IMMP2L: variants seen among roughly 807,000 people sequenced by gnomAD.
IMMP2L encodes mitochondrial inner membrane protease subunit 2.
Under a neutral mutation model 19.3 loss-of-function variants are expected in IMMP2L, and 18 were observed. The ratio of observed to expected loss-of-function variants is 0.93; its 90% CI spans 0.64 to 1.38. The LOEUF (loss-of-function observed/expected upper bound fraction) is 1.38. IMMP2L is among the 40% of genes most tolerant of loss of function. IMMP2L has a pLI of 0.00. For missense variants in IMMP2L, 233 were observed against 218.2 expected, an observed-to-expected ratio of 1.07 and a Z score of -0.43; for synonymous variants, 76 against 73.0, an observed-to-expected ratio of 1.04 and a Z score of -0.21.
chr7:110,738,616 A>T (rs1194135715), intron 5 of IMMP2L, among the ~76,000 whole-genome samples: 2 of 152,258 alleles, frequency 1.3e-5, no homozygotes, highest in Non-Finnish European at 2.9e-5. Flanking sequence ...TCCACAGAAG[A>T]AGAGAAGTCT....
intron 5 of IMMP2L, among the ~76,000 whole-genome samples, chr7:110,755,561 G>A (rs971467474): frequency 6.6e-6 from 1 of 152,072 alleles, no homozygotes; most frequent in South Asian, 2.1e-4. Context: ...CACTGTACAA[G>A]GCATAGGGAT....
At chr7:110,918,371 C>A (rs904687173) in intron 4 of IMMP2L, among the ~76,000 whole-genome samples, 2 of 151,760 alleles carry the variant, frequency 1.3e-5, no homozygotes, top group East Asian at 3.9e-4. Flanking sequence ...AAAACTTTAG[C>A]GTCTTTCACC....
chr7:111,187,092 A>T (rs925588113), intron 3 of IMMP2L, among the ~76,000 whole-genome samples: 5 of 152,150 alleles, frequency 3.3e-5, no homozygotes, highest in Non-Finnish European at 7.3e-5. Flanking sequence ...GTATAAATAA[A>T]ATCAAAGTAA....
intron 3 of IMMP2L, among the ~76,000 whole-genome samples, chr7:111,468,750 G>C (rs1840926514): frequency 6.6e-6 from 1 of 152,016 alleles, no homozygotes; most frequent in African/African-American, 2.4e-5. Flanking sequence ...AGTAAATGGA[G>C]AAAAGAAAAA....
At chr7:110,793,337 T>C (rs1800606191) in intron 5 of IMMP2L, among the ~76,000 whole-genome samples, 1 of 151,870 alleles carries the variant, frequency 6.6e-6, no homozygotes, top group Admixed American at 6.6e-5. Context: ...CGAGAATGGC[T>C]TGAATCTAGG....
At chr7:110,763,346 T>TA (rs1390871683) in intron 5 of IMMP2L, among the ~76,000 whole-genome samples, 3 of 152,166 alleles carry the variant, frequency 2.0e-5, no homozygotes, top group African/African-American at 7.2e-5. Flanking sequence ...TTCCGGCATA[T>TA]ACTGAATTTG....
chr7:111,120,738 T>A (rs991823407), intron 3 of IMMP2L, among the ~76,000 whole-genome samples: 1 of 152,160 alleles, frequency 6.6e-6, no homozygotes, highest in Non-Finnish European at 1.5e-5. Context: ...AGTCACTTTA[T>A]GCAAAGGAGA....
At chr7:111,266,069 A>T (rs989874611) in intron 3 of IMMP2L, among the ~76,000 whole-genome samples, 3 of 152,206 alleles carry the variant, frequency 2.0e-5, no homozygotes, top group Admixed American at 2.0e-4. Flanking sequence ...AAACATGTTT[A>T]AACATATATT....
chr7:111,367,312 A>G (rs1434224918), intron 3 of IMMP2L, among the ~76,000 whole-genome samples: 3 of 151,946 alleles, frequency 2.0e-5, no homozygotes, highest in African/African-American at 7.2e-5. Flanking sequence ...GAGCCCTCAC[A>G]ATGCAAGCAC....
At chr7:110,694,596 C>T (rs1032461736) in intron 5 of IMMP2L, among the ~76,000 whole-genome samples, 1 of 151,960 alleles carries the variant, frequency 6.6e-6, no homozygotes, top group Non-Finnish European at 1.5e-5. Context: ...TCTGAAGATG[C>T]AATTGACTGA....
intron 3 of IMMP2L, among the ~76,000 whole-genome samples, chr7:111,362,702 C>G (rs1584800496): frequency 6.6e-6 from 1 of 152,110 alleles, no homozygotes; most frequent in Admixed American, 6.6e-5. Context: ...GGATTTTTTA[C>G]CTTGAGTTTA....
chr7:111,008,640 C>T (rs1371272274), intron 3 of IMMP2L, among the ~76,000 whole-genome samples: 1 of 151,218 alleles, frequency 6.6e-6, no homozygotes, highest in African/African-American at 2.4e-5. Context: ...TCTTACCTGC[C>T]CCCTATTAAA....
chr7:110,865,168 C>A (rs917179198), intron 5 of IMMP2L, among the ~76,000 whole-genome samples: 2 of 151,944 alleles, frequency 1.3e-5, no homozygotes, highest in Non-Finnish European at 2.9e-5. Flanking sequence ...TCAGGAAGCG[C>A]ATACATTTGC....
chr7:110,688,352 A>G (rs554305987), intron 5 of IMMP2L, among the ~76,000 whole-genome samples: 1 of 152,242 alleles, frequency 6.6e-6, no homozygotes, highest in South Asian at 2.1e-4. Context: ...AAAAACAAAA[A>G]TGGTATGACT....
chr7:110,825,307 G>T (rs1309540658), intron 5 of IMMP2L, among the ~76,000 whole-genome samples: 2 of 152,084 alleles, frequency 1.3e-5, no homozygotes, highest in Admixed American at 1.3e-4. Flanking sequence ...AGCTACCAAT[G>T]ACTTTCTTCA....
intron 5 of IMMP2L, among the ~76,000 whole-genome samples, chr7:110,739,702 G>A (rs964257235): frequency 3.9e-5 from 6 of 152,000 alleles, no homozygotes; most frequent in Admixed American, 1.3e-4. Flanking sequence ...TATTCCCTAC[G>A]AAAAATGAAC....
chr7:110,714,522 T>A (rs992898179), intron 5 of IMMP2L, among the ~76,000 whole-genome samples: 9 of 152,160 alleles, frequency 5.9e-5, no homozygotes, highest in Non-Finnish European at 1.2e-4. Flanking sequence ...TTCAGTACAA[T>A]TGGTACCAGG....
chr7:110,862,350 T>A (rs1807531363), intron 5 of IMMP2L, among the ~76,000 whole-genome samples: 2 of 151,904 alleles, frequency 1.3e-5, no homozygotes, highest in South Asian at 2.1e-4. Context: ...ATTTTTTATT[T>A]TTTTTTAGAA....
chr7:110,796,829 T>C (rs1006957317), intron 5 of IMMP2L, among the ~76,000 whole-genome samples: 2 of 152,026 alleles, frequency 1.3e-5, no homozygotes, highest in African/African-American at 2.4e-5. Flanking sequence ...ATCTACAAGG[T>C]GTTAGCCGAA....
Sources: gnomAD v4.1 joint callset for allele counts (sites outside exome capture counted in the v4.1 genomes callset) on GRCh38, gnomAD v4.1.1 for gene constraint, MANE v1.5 for transcripts, NCBI Gene and HGNC (gene_info 2026-07-23, HGNC 2026-07-21) for gene names.